Variants in CHST5 observed in about 807,000 individuals in gnomAD.
CHST5 encodes the protein GST4-alpha.
For synonymous variants in CHST5, 313 were observed against 279.2 expected (o/e 1.12, Z -1.21); for missense variants, 637 against 602.1 (o/e 1.06, Z -0.61).
In CHST5 at chr16:75,530,965, C is replaced by T; in HGVS notation, c.-581G>A. 3 of 1,002,928 alleles carry T rather than the reference C, an allele frequency of 3.0e-6. No individual in the cohort carries two copies. Among genetic ancestry groups the T allele is most frequent in the Non-Finnish European group, 3.6e-6 (3 of 831,804 alleles). The allele number at this position is 1,002,928 out of a possible 1,614,324, so 62.1% of individuals were successfully genotyped here. On this transcript the variant is annotated 5_prime_UTR_variant, in exon 4 of 4. Transcript: ENST00000336257. The stretch of plus-strand genomic sequence containing the variant: ...AGGGAACACGCAGTCATGCCCATAA[C>T]TGAGGATTGCACCTTTTACAAGGTG...
chr16:75,530,536 C>T lies in CHST5; in HGVS notation c.-152G>A, dbSNP rs1041884411. On this transcript the variant is annotated 5_prime_UTR_variant, in exon 4 of 4. Transcript: ENST00000336257. The stretch of plus-strand genomic sequence containing the variant: ...CATAGGCCAGAATATAGTCTGTGCT[C>T]ACAGCAGAAGTCCAGTTGCAGAATA... 5 of 1,439,500 alleles carry T rather than the reference C, an allele frequency of 3.5e-6. No homozygotes were observed. The African/African-American group carries it at 4.3e-5, about 12-fold the overall frequency. 89.2% of individuals were successfully genotyped at this position (1,439,500 alleles called of 1,614,324 possible).
intron 1 of CHST5, among the ~76,000 whole-genome samples, chr16:75,535,820 G>A (rs2080557214): frequency 6.6e-6 from 1 of 152,222 alleles, no homozygotes; most frequent in South Asian, 2.1e-4. Context: ...CGCTGGCAGA[G>A]TCACTTCTCA....
intron 3 of CHST5, among the ~76,000 whole-genome samples, chr16:75,532,148 T>C (rs2080528205): frequency 6.6e-6 from 1 of 152,146 alleles, no homozygotes; most frequent in African/African-American, 2.4e-5. Context: ...GAGCTACATC[T>C]GGAGAGAAAG....
Position 75,530,063 on chromosome 16 carries a change from C to G in CHST5, c.322G>C (p.Ala108Pro), listed in dbSNP as rs146039041. The change falls in exon 4 of 4, where the codon GCA becomes CCA. Residue 108 changes from alanine (A) to proline (P), a missense_variant. Ala to Pro is a conservative substitution (Grantham distance 27). Transcript: ENST00000336257. ...TCGCGCACGGCCATGTGCAGCGTTGCCGCGCTGCCCTGCGACAGGGTGGTC... is the reference window on the plus strand; with the variant it reads ...TCGCGCACGGCCATGTGCAGCGTTGGCGCGCTGCCCTGCGACAGGGTGGTC... ...VWTTLSQGSAATLHMAVRDLM... is the reference protein window; with the variant it reads ...VWTTLSQGSAPTLHMAVRDLM... 315 of 1,613,394 alleles carry G rather than the reference C, an allele frequency of 2.0e-4. No homozygotes were observed. The highest frequency in any genetic ancestry group is 4.9e-4 in the Middle Eastern group (3 of 6,062).
chr16:75,533,943 G>A (rs1219862287), intron 2 of CHST5, among the ~76,000 whole-genome samples: 4 of 151,000 alleles, frequency 2.6e-5, no homozygotes, highest in African/African-American at 7.3e-5. Context: ...GGAGGCTGAG[G>A]CAGGAGAGTA....
chr16:75,529,453 G>A lies in CHST5; in HGVS notation c.932C>T (p.Ala311Val). ...TGGCGTGAGGGTCAGGCCGGTGAAG[G>A]CGTAGAGTGCGCGGATCTCTGCCAG... Reference protein sequence around the residue: ...EPLAEIRALYAFTGLTLTPQL... With the variant: ...EPLAEIRALYVFTGLTLTPQL... The change falls in exon 4 of 4, where the codon GCC (alanine) becomes GTC (valine). Residue 311 changes from alanine to valine, a missense_variant. By Grantham distance (64) the Ala-to-Val change is moderately conservative. Transcript: ENST00000336257. 6.2e-7 allele frequency: 1 copy of A among 1,612,844 alleles called. No homozygotes were observed. The highest frequency in any genetic ancestry group is 8.5e-7 in the Non-Finnish European group (1 of 1,179,916).
chr16:75,531,733 C>A, intron 3 of CHST5, 93 bp from the exon 4 acceptor site: 1 of 912,316 alleles, frequency 1.1e-6, no homozygotes, highest in Non-Finnish European at 1.6e-6. Flanking sequence ...AGCTGTCCTG[C>A]CTGCCTTTTG....
At position 75,529,120 on chromosome 16, in the gene CHST5, T is replaced by C. The variant is rs775568172; in HGVS notation, c.*29A>G. 13 of 1,532,494 alleles carry C rather than the reference T, an allele frequency of 8.5e-6. No homozygotes were observed. In the Admixed American group the frequency reaches 2.6e-4, roughly 31 times the overall value. 94.9% of individuals were successfully genotyped at this position (1,532,494 alleles called of 1,614,324 possible). A position where few individuals can be genotyped will look rare whatever the true frequency, so the allele number is the denominator to read the frequency against. On this transcript the variant is annotated 3_prime_UTR_variant, in exon 4 of 4. Coordinates refer to ENST00000336257, the MANE Select transcript of CHST5 (RefSeq NM_024533.5). ...CGCCTCCTGGGCCTGGCGACCACAG[T>C]TCGGGGCCTGCTCTAAGGCCCAGAG...
Position 75,528,708 on chromosome 16 carries a change from G to A in CHST5, c.*441C>T, listed in dbSNP as rs976700169. On this transcript the variant is annotated 3_prime_UTR_variant, in exon 4 of 4. Transcript: ENST00000336257. ...GATTACAGGAGTGTGCCACCACGCCGGACTAATTTTTGCATTTTTAGTAGA... is the reference window on the plus strand; with the variant it reads ...GATTACAGGAGTGTGCCACCACGCCAGACTAATTTTTGCATTTTTAGTAGA... 16 of 159,042 alleles carry A rather than the reference G, an allele frequency of 1.0e-4. No individual in the cohort carries two copies. Among genetic ancestry groups the A allele is most frequent in the Admixed American group, 6.0e-5 (1 of 16,800 alleles). The allele number at this position is 159,042 out of a possible 1,614,324, so 9.9% of individuals were successfully genotyped here. A position where few individuals can be genotyped will look rare whatever the true frequency, so the allele number is the denominator to read the frequency against.
intron 3 of CHST5, among the ~76,000 whole-genome samples, chr16:75,532,161 C>A (rs937851455): frequency 6.6e-6 from 1 of 152,124 alleles, no homozygotes; most frequent in South Asian, 2.1e-4. Context: ...AGAGAAAGAA[C>A]CCCCTCCACC....
In CHST5 at chr16:75,530,201, G is replaced by A. The variant is rs773589026; in HGVS notation, c.184C>T (p.Arg62Cys). Residue 62 changes from arginine to cysteine, a missense_variant, in exon 4 of 4, where the codon CGT becomes TGT. Arg to Cys is a radical substitution (Grantham distance 180, BLOSUM62 -3). Transcript: ENST00000336257. ...GAGGACAGCACCAGCACGTGCACACGATCCTCGCCGCCGGCTGGGGATGAG... is the reference window on the plus strand; with the variant it reads ...GAGGACAGCACCAGCACGTGCACACAATCCTCGCCGCCGGCTGGGGATGAG... Reference protein sequence around the residue: ...GPSSPAGGEDRVHVLVLSSWR... With the variant: ...GPSSPAGGEDCVHVLVLSSWR... The A allele has an allele frequency of 1.2e-6, 2 of 1,613,556 alleles. No homozygotes were observed. The highest frequency in any genetic ancestry group is 1.3e-5 in the African/African-American group (1 of 74,934).
Position 75,530,749 on chromosome 16 carries a change from T to C in CHST5, c.-365A>G, listed in dbSNP as rs1056913401. On this transcript the variant is annotated 5_prime_UTR_variant, in exon 4 of 4. Transcript: ENST00000336257. The stretch of plus-strand genomic sequence containing the variant: ...GGCTTGATGGGGGCTTCGGTGGATG[T>C]CAGAGCACCACCAGGCTCGCCGAGG... The C allele has an allele frequency of 6.6e-6, 7 of 1,056,814 alleles. No homozygotes were observed. The East Asian group carries it at 5.5e-4, about 83-fold the overall frequency. The allele number at this position is 1,056,814 out of a possible 1,614,324, so 65.5% of individuals were successfully genotyped here. A position where few individuals can be genotyped will look rare whatever the true frequency, so the allele number is the denominator to read the frequency against.
rs370791209 is a variant in CHST5 at position 75,531,320 on chromosome 16, C to CAAAAAAA, written c.-943_-937dup. On this transcript the variant is annotated 5_prime_UTR_variant, in exon 4 of 4. An upstream open reading frame in the 5' UTR loses its in-frame stop. Coordinates refer to ENST00000336257, the MANE Select transcript of CHST5 (RefSeq NM_024533.5). Reference sequence around the variant, plus strand: ...CTGAGTGAAGAGTGAGACTCCGTTTCAAAAAAAAAAAAAAAAACAACAAAA... The same window carrying CAAAAAAA: ...CTGAGTGAAGAGTGAGACTCCGTTTCAAAAAAAAAAAAAAAAAAAAAAAACAACAAAA... The CAAAAAAA allele has an allele frequency of 1.3e-5, 10 of 743,260 alleles. No individual in the cohort carries two copies. Among genetic ancestry groups the CAAAAAAA allele is most frequent in the Admixed American group, 8.9e-5 (1 of 11,250 alleles). 46.0% of individuals were successfully genotyped at this position (743,260 alleles called of 1,614,324 possible).
At chr16:75,532,700 C>T (rs943405590) in intron 3 of CHST5, among the ~76,000 whole-genome samples, 31 of 152,198 alleles carry the variant, frequency 2.0e-4, no homozygotes, top group South Asian at 2.1e-4. Flanking sequence ...TGTACTTTTT[C>T]CAGTGCTGGC....
rs2080537024 is a variant in CHST5, at chr16:75,533,134, C to G, written c.-1302G>C. ...AGGTCTTCTTAAGGTGGTTGAATCA[C>G]TCTATGCCACACAGAGTCTCCAGAA... On this transcript the variant is annotated 5_prime_UTR_variant, in exon 3 of 4. Coordinates refer to ENST00000336257, the MANE Select transcript of CHST5 (RefSeq NM_024533.5). The G allele has an allele frequency of 2.8e-6, 2 of 702,386 alleles. No individual in the cohort carries two copies. Among genetic ancestry groups the G allele is most frequent in the Middle Eastern group, 2.3e-4 (1 of 4,362 alleles). 43.5% of individuals were successfully genotyped at this position (702,386 alleles called of 1,614,324 possible).
rs1461358437 is a variant in CHST5 at position 75,528,893 on chromosome 16, C to T, written c.*256G>A. 4.6e-6 allele frequency: 2 copies of T among 433,772 alleles called. No homozygotes were observed. Among genetic ancestry groups the T allele is most frequent in the Admixed American group, 4.0e-5 (1 of 24,938 alleles). The allele number at this position is 433,772 out of a possible 1,614,324, so 26.9% of individuals were successfully genotyped here. ...TTAGCAGTAACTTACTCCCTGCGCC[C>T]AGAAGAGGTAGGGGCAAGAGTTGCT... On this transcript the variant is annotated 3_prime_UTR_variant, in exon 4 of 4. Coordinates refer to ENST00000336257, the MANE Select transcript of CHST5 (RefSeq NM_024533.5).
rs746776710 is a variant in CHST5 at position 75,530,740 on chromosome 16, C to T, written c.-356G>A. ...AGCTAAAAGGGCTTGATGGGGGCTT[C>T]GGTGGATGTCAGAGCACCACCAGGC... On this transcript the variant is annotated 5_prime_UTR_variant, in exon 4 of 4. Transcript: ENST00000336257. 61 of 1,062,254 alleles carry T rather than the reference C, an allele frequency of 5.7e-5. No homozygotes were observed. Among genetic ancestry groups the T allele is most frequent in the South Asian group, 2.8e-4 (7 of 25,106 alleles). The allele number at this position is 1,062,254 out of a possible 1,614,324, so 65.8% of individuals were successfully genotyped here.
Position 75,530,306 on chromosome 16 carries a change from A to G in CHST5, c.79T>C (p.Phe27Leu). The G allele has an allele frequency of 6.2e-7, 1 of 1,609,390 alleles. No individual in the cohort carries two copies. Among genetic ancestry groups the G allele is most frequent in the South Asian group, 1.1e-5 (1 of 90,452 alleles). ...AGCACTGTCACTGTCTTGCTGGAGA[A>G]CCGTGGCAGCCACATGCGGGCGGCT... ...PPAARMWLPR[F>L]SSKTVTVLLL... The change falls in exon 4 of 4, where the codon TTC becomes CTC. Residue 27 changes from phenylalanine to leucine, a missense_variant. Physicochemically the swap from Phe to Leu is conservative, Grantham distance 22. Coordinates refer to ENST00000336257, the MANE Select transcript of CHST5 (RefSeq NM_024533.5).
In CHST5 at chr16:75,529,056, G is replaced by A. The variant is rs990904239; in HGVS notation, c.*93C>T. Reference sequence around the variant, plus strand: ...AACTCCCGGTTGATAGTAGGGACCTGCTTCCCCATGCGCCCCAGCTCCCTC... The same window carrying A: ...AACTCCCGGTTGATAGTAGGGACCTACTTCCCCATGCGCCCCAGCTCCCTC... On this transcript the variant is annotated 3_prime_UTR_variant, in exon 4 of 4. Coordinates refer to ENST00000336257, the MANE Select transcript of CHST5 (RefSeq NM_024533.5). 2 of 1,379,012 alleles carry A rather than the reference G, an allele frequency of 1.5e-6. No homozygotes were observed. Among genetic ancestry groups the A allele is most frequent in the Non-Finnish European group, 1.9e-6 (2 of 1,034,114 alleles). 85.4% of individuals were successfully genotyped at this position (1,379,012 alleles called of 1,614,324 possible). A position where few individuals can be genotyped will look rare whatever the true frequency, so the allele number is the denominator to read the frequency against.
Sources: allele counts gnomAD v4.1 joint callset (sites outside exome capture counted in the v4.1 genomes callset), GRCh38; gene constraint gnomAD v4.1.1; transcripts MANE v1.5; gene names NCBI Gene and HGNC (gene_info 2026-07-23, HGNC 2026-07-21).